GABRB1: variants seen among roughly 807,000 people sequenced by gnomAD.
GABRB1 encodes gamma-aminobutyric acid receptor subunit beta-1.
In GABRB1, 17 loss-of-function variants were observed where a neutral mutation model predicts 51.6. That is an observed-to-expected ratio of 0.33 (90% confidence interval 0.23 to 0.49). The LOEUF (loss-of-function observed/expected upper bound fraction) is 0.49, where lower values mean the gene tolerates loss of function less well. GABRB1 is among the 20% of genes least tolerant of loss of function. The pLI is 0.99. For synonymous variants in GABRB1, 247 were observed against 218.9 expected (o/e 1.13, Z -1.14); for missense variants, 410 against 600.6 (o/e 0.68, Z 3.32).
At chr4:47,011,521 C>A (rs1282477387) in intron 1 of GABRB1, among the ~76,000 whole-genome samples, 1 of 152,096 alleles carries the variant, frequency 6.6e-6, no homozygotes, top group East Asian at 1.9e-4. Flanking sequence ...ATTTGGGAAA[C>A]AGAAACATAT....
intron 3 of GABRB1, among the ~76,000 whole-genome samples, chr4:47,077,032 A>G (rs902727756): frequency 1.3e-5 from 2 of 152,164 alleles, no homozygotes; most frequent in Admixed American, 6.5e-5. Flanking sequence ...AAGTCAACAA[A>G]ACCTGTTTTC....
At chr4:47,032,924 G>C (rs1366277941) in intron 3 of GABRB1, 57 of 344,640 alleles carry the variant, frequency 1.7e-4, no homozygotes, top group Non-Finnish European at 5.8e-6. Context: ...CGCGAGCCCG[G>C]ATGCACCAAG....
intron 5 of GABRB1, among the ~76,000 whole-genome samples, chr4:47,402,611 G>C (rs1157386220): frequency 6.6e-6 from 1 of 152,180 alleles, no homozygotes; most frequent in Non-Finnish European, 1.5e-5. Flanking sequence ...GGGCCTTCAT[G>C]CTGAAGACCT....
chr4:47,047,517 G>C (rs998851882), intron 3 of GABRB1, among the ~76,000 whole-genome samples: 3 of 152,086 alleles, frequency 2.0e-5, no homozygotes, highest in Non-Finnish European at 4.4e-5. Context: ...ATTAGCTTCA[G>C]AGTCTATGTG....
At chr4:47,136,355 G>A (rs1716651653) in intron 3 of GABRB1, among the ~76,000 whole-genome samples, 1 of 151,902 alleles carries the variant, frequency 6.6e-6, no homozygotes, top group Non-Finnish European at 1.5e-5. Context: ...TAACGTTAGG[G>A]GATTTGCTCT....
Position 47,065,369 on chromosome 4 carries a change from G to A in GABRB1, c.240+32885G>A, listed in dbSNP as rs145384532. On this transcript the variant is annotated intron_variant, in intron 3 of 8. Transcript: ENST00000295454. ...GTGATATTTTTCCCCTTTAGCAAAA[G>A]TTGGAAAACTGCCTCCTTGTTGAGG... Among the ~76,000 whole-genome samples the A allele has an allele frequency of 9.8e-5, 15 of 152,294 alleles. No homozygotes were observed. The East Asian group carries it at 2.5e-3, about 25-fold the overall frequency.
At position 47,403,319 on chromosome 4, in the gene GABRB1, T is replaced by C. The variant is rs1728463266; in HGVS notation, c.546T>C (p.Tyr182=). 6.2e-7 allele frequency: 1 copy of C among 1,613,838 alleles called. No homozygotes were observed. The highest frequency in any genetic ancestry group is 1.3e-5 in the African/African-American group (1 of 75,044). Residue 182 remains tyrosine, a splice_region_variant and synonymous_variant, in exon 6 of 9, where the codon TAT becomes TAC. Coordinates refer to ENST00000295454, the MANE Select transcript of GABRB1 (RefSeq NM_000812.4). Reference sequence around the variant, plus strand: ...CCGTGCTGTTTTTATTGGTTTCAGATGGCTATACCACTGATGACATTGAAT... The same window carrying C: ...CCGTGCTGTTTTTATTGGTTTCAGACGGCTATACCACTGATGACATTGAAT... ...EQNCTLEIES[Y]GYTTDDIEFY...
intron 4 of GABRB1, among the ~76,000 whole-genome samples, chr4:47,279,543 C>T (rs1325147326): frequency 2.0e-5 from 3 of 152,050 alleles, no homozygotes; most frequent in Admixed American, 2.0e-4. Flanking sequence ...CCTTCCATCC[C>T]CATTTCTTAC....
chr4:47,387,530 CA>C (rs1298188078), intron 5 of GABRB1, among the ~76,000 whole-genome samples: 21 of 152,260 alleles, frequency 1.4e-4, no homozygotes, highest in African/African-American at 5.1e-4. Flanking sequence ...ATAAAATTAT[CA>C]AACTGGCTCG....
At chr4:47,328,697 C>T (rs1419146516) in intron 5 of GABRB1, among the ~76,000 whole-genome samples, 2 of 151,712 alleles carry the variant, frequency 1.3e-5, no homozygotes, top group Non-Finnish European at 2.9e-5. Flanking sequence ...TGTTCTCACT[C>T]ATAGGTGGGA....
Position 47,067,317 on chromosome 4 carries a change from G to A in GABRB1, c.240+34833G>A, listed in dbSNP as rs182645401. On this transcript the variant is annotated intron_variant, in intron 3 of 8. Coordinates refer to ENST00000295454, the MANE Select transcript of GABRB1 (RefSeq NM_000812.4). ...AAATAAGCATTGGCTTCAACTTAAA[G>A]TCACCAGCTGCATTTGCCCCTAACA... Among the ~76,000 whole-genome samples the A allele has an allele frequency of 1.3e-3, 195 of 152,298 alleles. 1 individual carries two copies. The highest frequency in any genetic ancestry group is 4.4e-3 in the African/African-American group (183 of 41,554).
chr4:47,055,901 ACT>A (rs1239908450), intron 3 of GABRB1, among the ~76,000 whole-genome samples: 1 of 152,030 alleles, frequency 6.6e-6, no homozygotes, highest in African/African-American at 2.4e-5. Context: ...TTATTCTGTG[ACT>A]CTTCTTAGGG....
chr4:47,335,873 T>C (rs1725679796), intron 5 of GABRB1, among the ~76,000 whole-genome samples: 1 of 152,148 alleles, frequency 6.6e-6, no homozygotes, highest in African/African-American at 2.4e-5. Flanking sequence ...GTGAGATGTA[T>C]GTTGAATGTA....
Position 47,403,767 on chromosome 4 carries a change from C to A in GABRB1, c.835+56C>A, listed in dbSNP as rs1338577229. 4.7e-5 allele frequency: 74 copies of A among 1,560,646 alleles called. 1 individual carries two copies. Among genetic ancestry groups the A allele is most frequent in the Non-Finnish European group, 2.5e-5 (29 of 1,150,498 alleles). The stretch of plus-strand genomic sequence containing the variant: ...ACAGATTTTACTTTCAAACAAATAA[C>A]CAATATCAGGAATTATAGGCAAGGG... On this transcript the variant is annotated intron_variant, in intron 7 of 8. Coordinates refer to ENST00000295454, the MANE Select transcript of GABRB1 (RefSeq NM_000812.4).
intron 3 of GABRB1, among the ~76,000 whole-genome samples, chr4:47,115,077 A>G (rs573716121): frequency 6.6e-6 from 1 of 152,322 alleles, no homozygotes; most frequent in East Asian, 1.9e-4. Context: ...CTAAGAAATC[A>G]CAAGTAGTTT....
intron 3 of GABRB1, among the ~76,000 whole-genome samples, chr4:47,082,315 T>A (rs1727884931): frequency 6.6e-6 from 1 of 151,970 alleles, no homozygotes; most frequent in Non-Finnish European, 1.5e-5. Flanking sequence ...ATGAATTCCA[T>A]AAAAAAGATG....
At chr4:47,030,428 A>G (rs1170012667), upstream of GABRB1, among the ~76,000 whole-genome samples, 2 of 152,152 alleles carry the variant, frequency 1.3e-5, no homozygotes, top group African/African-American at 4.8e-5. Flanking sequence ...TCTTTCCCTC[A>G]TAAAAGTAAG....
intron 4 of GABRB1, among the ~76,000 whole-genome samples, chr4:47,184,577 T>C (rs1431976495): frequency 6.6e-6 from 1 of 151,924 alleles, no homozygotes; most frequent in Admixed American, 6.6e-5. Context: ...TCAGTCCTTT[T>C]TGCAAGTTAA....
intron 5 of GABRB1, among the ~76,000 whole-genome samples, chr4:47,352,308 T>C (rs1160154845): frequency 1.3e-5 from 2 of 152,176 alleles, no homozygotes; most frequent in Non-Finnish European, 1.5e-5. Flanking sequence ...CAGGACCAGA[T>C]GGATTCACAG....
Sources: gnomAD v4.1 joint callset for allele counts (sites outside exome capture counted in the v4.1 genomes callset) on GRCh38, gnomAD v4.1.1 for gene constraint, MANE v1.5 for transcripts, NCBI Gene and HGNC (gene_info 2026-07-23, HGNC 2026-07-21) for gene names.